Variants in MAP4 observed in about 807,000 individuals in gnomAD.
The protein encoded by MAP4 is microtubule associated protein 4.
In MAP4, 76 loss-of-function variants were observed where a neutral mutation model predicts 170.2. The observed-to-expected ratio is 0.45, with a 90% CI of 0.37 to 0.54. The LOEUF is 0.54. Among genes scored for constraint, MAP4 ranks in the 20% least tolerant of loss-of-function variants. The probability of loss-of-function intolerance (pLI) is 0.00; values close to 1 mark genes in which losing one functional copy is unlikely to be tolerated. For synonymous variants in MAP4, 909 were observed against 994.5 expected (o/e 0.91, Z 1.62); for missense variants, 2,506 against 2,748.0 (o/e 0.91, Z 1.97).
chr3:47,942,308 AAAAG>A (rs563614788), intron 3 of MAP4, among the ~76,000 whole-genome samples: 60 of 152,332 alleles, frequency 3.9e-4, no homozygotes, highest in African/African-American at 1.3e-3. Context: ...TGCTTCACAG[AAAAG>A]AAAGGGGAAA....
Position 47,916,348 on chromosome 3 carries a change from A to G in MAP4, c.1479T>C (p.Ala493=). The change falls in exon 7 of 21, where the codon GCT becomes GCC. Residue 493 remains alanine, a synonymous_variant. Coordinates refer to ENST00000683076, the MANE Select transcript of MAP4 (RefSeq NM_001385682.1). ...AGCCCACTTCTTTTACTGTGGACGG[A>G]GCCACATCCTTGGCCGGGGCTATTT... is the stretch of plus-strand genomic sequence containing the variant. ...ETEIAPAKDV[A]PSTVKEVGLL... The G allele has an allele frequency of 6.2e-7, 1 of 1,614,182 alleles. No individual in the cohort carries two copies. Among genetic ancestry groups the G allele is most frequent in the Non-Finnish European group, 8.5e-7 (1 of 1,180,038 alleles).
intron 3 of MAP4, among the ~76,000 whole-genome samples, chr3:47,949,132 G>A (rs1455531307): frequency 1.3e-5 from 2 of 152,014 alleles, no homozygotes; most frequent in Admixed American, 6.6e-5. Flanking sequence ...CATATACTAC[G>A]TGCCAGGTTC....
At chr3:47,886,656 C>G (rs1286267449) in intron 10 of MAP4, among the ~76,000 whole-genome samples, 3 of 152,210 alleles carry the variant, frequency 2.0e-5, no homozygotes, top group Admixed American at 2.0e-4. Flanking sequence ...TTCACAAAAG[C>G]AATGTCTGAT....
At chr3:47,948,830 C>T (rs1426472608) in intron 3 of MAP4, among the ~76,000 whole-genome samples, 1 of 152,060 alleles carries the variant, frequency 6.6e-6, no homozygotes, top group African/African-American at 2.4e-5. Flanking sequence ...ACCATGTTGG[C>T]CAGGCTGGTC....
chr3:47,875,957 C>G, intron 11 of MAP4, 57 bp from the exon 12 acceptor site: 1 of 1,233,448 alleles, frequency 8.1e-7, no homozygotes, highest in Non-Finnish European at 1.2e-6. Flanking sequence ...CAACATCAAA[C>G]AGACAAGAAT....
At position 47,887,634 on chromosome 3, in the gene MAP4, C is replaced by G. The variant is rs987441221; in HGVS notation, c.5435-10111G>C. ...CTGGCAGGCAGCTCCACCTGCAGCC[C>G]CAGTGCGAGATCCACTAGGTGAACC... On this transcript the variant is annotated intron_variant, in intron 10 of 20. Coordinates refer to ENST00000683076, the MANE Select transcript of MAP4 (RefSeq NM_001385682.1). Among the ~76,000 whole-genome samples the G allele has an allele frequency of 2.6e-5, 4 of 152,240 alleles. No homozygotes were observed. The South Asian group carries it at 8.3e-4, about 32-fold the overall frequency.
intron 3 of MAP4, among the ~76,000 whole-genome samples, chr3:47,965,948 C>A (rs747952193): frequency 2.0e-5 from 3 of 152,048 alleles, no homozygotes; most frequent in Non-Finnish European, 4.4e-5. Flanking sequence ...AAAACACTGC[C>A]AAATCCAATG....
At chr3:47,949,856 A>G (rs557900156) in intron 3 of MAP4, among the ~76,000 whole-genome samples, 4 of 150,112 alleles carry the variant, frequency 2.7e-5, no homozygotes, top group Non-Finnish European at 5.9e-5. Context: ...TGGGACACCC[A>G]GCGGTGCTCA....
Position 47,871,240 on chromosome 3 carries a change from T to C in MAP4, c.5988A>G (p.Ala1996=). The C allele has an allele frequency of 1.2e-6, 2 of 1,614,252 alleles. No homozygotes were observed. Among genetic ancestry groups the C allele is most frequent in the Non-Finnish European group, 1.7e-6 (2 of 1,180,036 alleles). ...GKPAEVKKMT[A]KSVPADLSRP... is the part of the protein sequence containing the mutation. ...ATGGGCTATTACCTGGTACAGACTT[T>C]GCAGTCATCTTCTTGACTTCTGCAG... The change falls in exon 14 of 21, where the codon GCA becomes GCG. Residue 1996 remains alanine, a synonymous_variant. Coordinates refer to ENST00000683076, the MANE Select transcript of MAP4 (RefSeq NM_001385682.1).
intron 3 of MAP4, among the ~76,000 whole-genome samples, chr3:47,972,638 G>C (rs2100079448): frequency 6.6e-6 from 1 of 152,164 alleles, no homozygotes; most frequent in African/African-American, 2.4e-5. Context: ...TGTAATCCCA[G>C]CACTTTGGGA....
chr3:47,853,566 G>A (rs2149598946), intron 19 of MAP4, among the ~76,000 whole-genome samples: 1 of 150,742 alleles, frequency 6.6e-6, no homozygotes, highest in East Asian at 2.0e-4. Context: ...AGGAGCAGCT[G>A]GACCAGTGAC....
At chr3:47,902,597 C>A (rs1245973721) in intron 10 of MAP4, among the ~76,000 whole-genome samples, 1 of 146,964 alleles carries the variant, frequency 6.8e-6, no homozygotes, top group African/African-American at 2.5e-5. Context: ...CTGCTTGAAC[C>A]CAGGAGCCAG....
intron 1 of MAP4, among the ~76,000 whole-genome samples, chr3:48,005,254 G>A (rs188382803): frequency 9.2e-5 from 14 of 152,184 alleles, no homozygotes; most frequent in Admixed American, 1.3e-4. Flanking sequence ...CCAGCTACTC[G>A]GCAGGCTGAG....
In MAP4 at chr3:47,869,264, T is replaced by C. The variant is rs1180292711; in HGVS notation, c.6358A>G (p.Thr2120Ala). ...TTRKPESNAVTKTAGPIASAQ... is the reference protein window; with the variant it reads ...TTRKPESNAVAKTAGPIASAQ... ...CTTGCAATTGGGCCGGCTGTTTTAG[T>C]GACTGCATTAGATTCAGGCTTTCGG... Residue 2120 changes from threonine to alanine, a missense_variant, in exon 16 of 21, where the codon ACT becomes GCT. Thr to Ala is a moderately conservative substitution (Grantham distance 58). Around this residue, in one of 3 missense-constraint regions of MAP4, gnomAD observed 487 missense variants for 511.6 expected, o/e 0.95. Transcript: ENST00000683076. 1.2e-6 allele frequency: 2 copies of C among 1,614,104 alleles called. No individual in the cohort carries two copies. Among genetic ancestry groups the C allele is most frequent in the Admixed American group, 1.7e-5 (1 of 60,014 alleles).
At chr3:48,045,224 T>A (rs950106014) in intron 1 of MAP4, among the ~76,000 whole-genome samples, 1 of 147,228 alleles carries the variant, frequency 6.8e-6, no homozygotes, top group African/African-American at 2.5e-5. Flanking sequence ...CACCACTGTG[T>A]TCCAGCCTGG....
chr3:47,881,742 AC>A (rs2096801938), intron 10 of MAP4, among the ~76,000 whole-genome samples: 1 of 151,248 alleles, frequency 6.6e-6, no homozygotes, highest in Admixed American at 6.6e-5. Context: ...AATAGCTAGG[AC>A]CACAGGCATG....
chr3:48,054,629 CAAAAAAAAAAA>C (rs745809251), intron 1 of MAP4, among the ~76,000 whole-genome samples: 24 of 39,558 alleles, frequency 6.1e-4, no homozygotes, highest in East Asian at 2.4e-3. Context: ...GACTCCATCT[CAAAAAAAAAAA>C]AAAAAAAAAA....
intron 1 of MAP4, among the ~76,000 whole-genome samples, chr3:48,026,665 A>G (rs2100113268): frequency 6.6e-6 from 1 of 152,200 alleles, no homozygotes; most frequent in Non-Finnish European, 1.5e-5. Flanking sequence ...TTAATAAAAG[A>G]CTAAATTTCA....
intron 1 of MAP4, among the ~76,000 whole-genome samples, chr3:48,060,532 C>G (rs746357380): frequency 1.3e-5 from 2 of 152,092 alleles, no homozygotes; most frequent in Non-Finnish European, 2.9e-5. Flanking sequence ...AAATTCTGAT[C>G]TGCAAAATAC....
Sources: gnomAD v4.1 joint callset for allele counts (sites outside exome capture counted in the v4.1 genomes callset) on GRCh38, gnomAD v4.1.1 for gene constraint, gnomAD v4.1.1 regional missense constraint, MANE v1.5 for transcripts, NCBI Gene and HGNC (gene_info 2026-07-23, HGNC 2026-07-21) for gene names.